MAU2: variants seen among roughly 807,000 people sequenced by gnomAD.
MAU2 encodes MAU2 sister chromatid cohesion factor.
MAU2 carries 9 observed loss-of-function variants against 89.1 expected under a neutral mutation model. That is an observed-to-expected ratio of 0.10 (90% CI 0.06 to 0.18). The LOEUF (loss-of-function observed/expected upper bound fraction) is 0.18. Among genes scored for constraint, MAU2 ranks in the 10% least tolerant of loss-of-function variants. MAU2 has a pLI of 1.00. For synonymous variants in MAU2, 357 were observed against 343.4 expected (o/e 1.04, Z -0.44); for missense variants, 425 against 803.5 (o/e 0.53, Z 5.69).
intron 1 of MAU2, among the ~76,000 whole-genome samples, chr19:19,324,564 C>T (rs61741498): frequency 0.021 from 3,163 of 152,290 alleles, 116 homozygotes; most frequent in African/African-American, 0.073. Context: ...TGTGTACTGT[C>T]GTATTTTGCC....
At chr19:19,342,192 C>G (rs924783819) in intron 7 of MAU2, among the ~76,000 whole-genome samples, 1 of 152,272 alleles carries the variant, frequency 6.6e-6, no homozygotes, top group Non-Finnish European at 1.5e-5. Flanking sequence ...CTCCCACCCC[C>G]TCAGAGCACA....
At chr19:19,330,809 G>GTGGT (rs2061549727) in intron 1 of MAU2, among the ~76,000 whole-genome samples, 1 of 151,784 alleles carries the variant, frequency 6.6e-6, no homozygotes, top group Non-Finnish European at 1.5e-5. Context: ...ACCGAGCCAG[G>GTGGT]AGGATCTCTT....
intron 17 of MAU2, 31 bp downstream of exon 17, chr19:19,354,476 C>A: frequency 1.3e-6 from 2 of 1,586,062 alleles, no homozygotes; most frequent in Non-Finnish European, 1.7e-6. Flanking sequence ...TCTTCCCCAG[C>A]CCCAGCCTGG....
At chr19:19,334,105 C>T (rs1294788250) in intron 1 of MAU2, 1 of 937,092 alleles carries the variant, frequency 1.1e-6, no homozygotes, top group African/African-American at 1.8e-5. Context: ...GCAGCAGCTT[C>T]TGTGGAAAAA....
chr19:19,342,971 GC>G, intron 9 of MAU2, 105 bp downstream of exon 9: 1 of 1,214,756 alleles, frequency 8.2e-7, no homozygotes, highest in Non-Finnish European at 1.2e-6. Flanking sequence ...TGACCGCAGC[GC>G]CCAGCCACCC....
intron 13 of MAU2, 33 bp downstream of exon 13, chr19:19,347,399 C>T (rs1395564343): frequency 3.9e-6 from 6 of 1,530,124 alleles, no homozygotes; most frequent in Non-Finnish European, 4.5e-6. Context: ...GGTATCCTTT[C>T]TCTCTGTTCT....
intron 10 of MAU2, chr19:19,344,290 T>C: frequency 3.5e-6 from 1 of 284,546 alleles, no homozygotes; most frequent in Non-Finnish European, 6.9e-6. Context: ...CAGACACCTG[T>C]AATCCCAGTT....
At chr19:19,330,971 G>A (rs2061550704) in intron 1 of MAU2, among the ~76,000 whole-genome samples, 1 of 152,102 alleles carries the variant, frequency 6.6e-6, no homozygotes, top group Middle Eastern at 3.2e-3. Flanking sequence ...ACTCAGCCCT[G>A]GACTGAATCC....
intron 13 of MAU2, chr19:19,348,618 C>A: frequency 1.7e-6 from 1 of 590,298 alleles, no homozygotes; most frequent in South Asian, 2.0e-5. Context: ...CCCCTCAGCA[C>A]CACTCTGACC....
chr19:19,348,473 A>T, intron 13 of MAU2: 1 of 289,432 alleles, frequency 3.5e-6, no homozygotes, highest in South Asian at 3.5e-5. Flanking sequence ...GAGGGCAGCT[A>T]AATTATCAGT....
intron 13 of MAU2, chr19:19,347,678 C>G (rs2061705155): frequency 8.3e-6 from 2 of 241,726 alleles, no homozygotes; most frequent in Non-Finnish European, 1.6e-5. Flanking sequence ...GGATGTCGGC[C>G]AGGCATTGAG....
chr19:19,340,056 T>G (rs2061628985), intron 5 of MAU2, among the ~76,000 whole-genome samples: 1 of 151,310 alleles, frequency 6.6e-6, no homozygotes. Context: ...TCCCAGCTAC[T>G]CAGGAGGCTG....
In MAU2 at chr19:19,357,867, G is replaced by A. The variant is rs568943390; in HGVS notation, c.*2085G>A. On this transcript the variant is annotated 3_prime_UTR_variant, in exon 19 of 19. Transcript: ENST00000262815. ...CAGCCGCATCTTCTCATGACACAAA[G>A]CTTTTGATAAGTACTTTCCTGTGGG... 1 of 152,178 alleles carries A rather than the reference G, an allele frequency of 6.6e-6. No individual in the cohort carries two copies. Among genetic ancestry groups the A allele is most frequent in the South Asian group, 2.1e-4 (1 of 4,832 alleles). The allele number at this position is 152,178 out of a possible 1,614,324, so 9.4% of individuals were successfully genotyped here. A position where few individuals can be genotyped will look rare whatever the true frequency, so the allele number is the denominator to read the frequency against.
Position 19,322,525 on chromosome 19 carries a change from G to A in MAU2, c.276+1390G>A, listed in dbSNP as rs185659111. On this transcript the variant is annotated intron_variant, in intron 1 of 18. Transcript: ENST00000262815. Reference sequence around the variant, plus strand: ...GAGGTGGGAGGATCAGCTAAGCCCCGGGAGGTCGTGGCTGCAGTGAGCAGT... The same window carrying A: ...GAGGTGGGAGGATCAGCTAAGCCCCAGGAGGTCGTGGCTGCAGTGAGCAGT... 2.5e-3 allele frequency among the ~76,000 whole-genome samples: 386 copies of A among 152,302 alleles called. 1 individual carries two copies. Among genetic ancestry groups the A allele is most frequent in the Non-Finnish European group, 4.4e-3 (302 of 68,028 alleles).
At chr19:19,337,298 G>A (rs756507195) in intron 4 of MAU2, 33 bp downstream of exon 4, 83 of 1,559,738 alleles carry the variant, frequency 5.3e-5, no homozygotes, top group Middle Eastern at 1.8e-4. Flanking sequence ...GAGGGTGCCC[G>A]GCAGGGACCA....
At chr19:19,337,136 T>TTC (rs2061603465) in intron 3 of MAU2, 34 bp from the exon 4 acceptor site, 1 of 1,531,620 alleles carries the variant, frequency 6.5e-7, no homozygotes, top group South Asian at 1.1e-5. Context: ...TTTTTTTTTT[T>TTC]CTTACATTCC....
intron 5 of MAU2, among the ~76,000 whole-genome samples, chr19:19,340,415 G>A (rs1349335038): frequency 3.3e-5 from 5 of 151,620 alleles, no homozygotes; most frequent in Admixed American, 6.6e-5. Context: ...CGAGGCGGGT[G>A]GATCACGAGG....
At chr19:19,326,725 T>TATATATGTATATATATATATACAC (rs2061511030) in intron 1 of MAU2, among the ~76,000 whole-genome samples, 2 of 129,560 alleles carry the variant, frequency 1.5e-5, no homozygotes, top group African/African-American at 5.6e-5. Flanking sequence ...TATATACATA[T>TATATATGTATATATATATATACAC]ATATATATAT....
chr19:19,356,875 A>G lies in MAU2; in HGVS notation c.*1093A>G, dbSNP rs905343792. The G allele has an allele frequency of 7.2e-5, 11 of 152,218 alleles. No homozygotes were observed. The highest frequency in any genetic ancestry group is 2.7e-4 in the African/African-American group (11 of 41,434). 9.4% of individuals were successfully genotyped at this position (152,218 alleles called of 1,614,324 possible). ...TTCTTGGATAATCAGGAGGTGCCCC[A>G]GTGGTCACAGTGTGGCATTCCGAGT... On this transcript the variant is annotated 3_prime_UTR_variant, in exon 19 of 19. Transcript: ENST00000262815.
Sources: allele counts gnomAD v4.1 joint callset (sites outside exome capture counted in the v4.1 genomes callset), GRCh38; gene constraint gnomAD v4.1.1; transcripts MANE v1.5; gene names NCBI Gene and HGNC (gene_info 2026-07-23, HGNC 2026-07-21).